DTD1: variants seen among roughly 807,000 people sequenced by gnomAD.
DTD1 encodes D-tyrosyl-tRNA deacylase 1 homolog.
Under a neutral mutation model 25.6 loss-of-function variants are expected in DTD1, and 13 were observed. The observed-to-expected ratio is 0.51, with a 90% CI of 0.33 to 0.81. The LOEUF (loss-of-function observed/expected upper bound fraction) is 0.81. DTD1 is among the 30% of genes least tolerant of loss of function. The probability of loss-of-function intolerance (pLI) is 0.02; values close to 1 mark genes in which losing one functional copy is unlikely to be tolerated. For synonymous variants in DTD1, 110 were observed against 103.6 expected, an observed-to-expected ratio of 1.06 and a Z score of -0.37; for missense variants, 193 against 266.4, an observed-to-expected ratio of 0.72 and a Z score of 1.92.
At chr20:18,659,561 C>A (rs2060901809) in intron 4 of DTD1, among the ~76,000 whole-genome samples, 1 of 152,068 alleles carries the variant, frequency 6.6e-6, no homozygotes, top group Admixed American at 6.5e-5. Context: ...TATGGTTAAT[C>A]AAAAAATATA....
chr20:18,591,861 A>C (rs1600302984), intron 1 of DTD1, among the ~76,000 whole-genome samples: 1 of 152,226 alleles, frequency 6.6e-6, no homozygotes, highest in East Asian at 1.9e-4. Context: ...AGGATAGATT[A>C]TTTCTATTTC....
At chr20:18,748,828 A>C (rs1344750505) in intron 5 of DTD1, among the ~76,000 whole-genome samples, 1 of 152,208 alleles carries the variant, frequency 6.6e-6, no homozygotes. Context: ...GTAGCATAGA[A>C]CTTGGGGTCA....
intron 4 of DTD1, among the ~76,000 whole-genome samples, chr20:18,721,327 A>G (rs1433985553): frequency 6.6e-6 from 1 of 152,066 alleles, no homozygotes; most frequent in Non-Finnish European, 1.5e-5. Flanking sequence ...ATGTGGCCAC[A>G]TGGTCCTCCT....
chr20:18,643,862 A>ATG lies in DTD1; in HGVS notation c.477+15643_477+15644dup, dbSNP rs372000389. Among the ~76,000 whole-genome samples, 20 of 151,146 alleles carry ATG rather than the reference A, an allele frequency of 1.3e-4. No homozygotes were observed. In the East Asian group the frequency reaches 2.3e-3, roughly 18 times the overall value. Reference sequence around the variant, plus strand: ...GATTAGATTCAGGGTGTATGTGTGTATGTGTGTGTGTGTGTACATGCACTT... The same window carrying ATG: ...GATTAGATTCAGGGTGTATGTGTGTATGTGTGTGTGTGTGTGTACATGCACTT... On this transcript the variant is annotated intron_variant, in intron 4 of 5. Transcript: ENST00000377452.
chr20:18,675,499 G>A (rs1333101552), intron 4 of DTD1: 2 of 151,868 alleles, frequency 1.3e-5, no homozygotes, highest in Non-Finnish European at 2.9e-5. Context: ...ATATTCTAGG[G>A]AGCTTTCAGA....
chr20:18,735,807 A>G (rs1413641239), intron 4 of DTD1, among the ~76,000 whole-genome samples: 1 of 152,150 alleles, frequency 6.6e-6, no homozygotes, highest in Non-Finnish European at 1.5e-5. Context: ...ATCATTCCCC[A>G]AAATCATGTT....
At chr20:18,678,001 G>A (rs994412548) in intron 4 of DTD1, among the ~76,000 whole-genome samples, 7 of 152,304 alleles carry the variant, frequency 4.6e-5, no homozygotes, top group Non-Finnish European at 4.4e-5. Context: ...GGTTTCTTGC[G>A]GGATAAATTA....
intron 4 of DTD1, among the ~76,000 whole-genome samples, chr20:18,717,267 A>G (rs991798123): frequency 4.6e-5 from 7 of 152,202 alleles, no homozygotes; most frequent in African/African-American, 1.7e-4. Context: ...CATAGTAGTA[A>G]CAGGAAGTGG....
At chr20:18,701,277 C>T (rs2061103433) in intron 4 of DTD1, among the ~76,000 whole-genome samples, 1 of 152,102 alleles carries the variant, frequency 6.6e-6, no homozygotes, top group South Asian at 2.1e-4. Flanking sequence ...AAACATGTTA[C>T]CTAACGGACT....
chr20:18,632,882 G>T (rs754832613), intron 4 of DTD1, among the ~76,000 whole-genome samples: 1 of 152,068 alleles, frequency 6.6e-6, no homozygotes, highest in Non-Finnish European at 1.5e-5. Context: ...GTGCATGTGG[G>T]TATGTGTGCA....
At chr20:18,625,084 G>A (rs7263884) in intron 3 of DTD1, among the ~76,000 whole-genome samples, 78,031 of 151,934 alleles carry the variant, frequency 0.51, 20,429 homozygotes, top group Middle Eastern at 0.58. Flanking sequence ...TGTAGACACC[G>A]CCCTCAGATG....
At chr20:18,615,427 G>A (rs1437676891) in intron 3 of DTD1, among the ~76,000 whole-genome samples, 2 of 152,204 alleles carry the variant, frequency 1.3e-5, no homozygotes, top group East Asian at 3.9e-4. Flanking sequence ...AGTAGGCACA[G>A]GAAACTGGGT....
At chr20:18,704,402 T>G (rs2061117793) in intron 4 of DTD1, among the ~76,000 whole-genome samples, 1 of 152,064 alleles carries the variant, frequency 6.6e-6, no homozygotes, top group Admixed American at 6.6e-5. Context: ...GGCAGAAACC[T>G]TAGAAAAATG....
At chr20:18,627,260 C>G (rs920212830) in intron 3 of DTD1, among the ~76,000 whole-genome samples, 7 of 152,124 alleles carry the variant, frequency 4.6e-5, no homozygotes, top group African/African-American at 1.7e-4. Context: ...AGGAAAGACT[C>G]AGAGAAGGAA....
chr20:18,588,739 A>G (rs2060576582), intron 1 of DTD1: 3 of 985,134 alleles, frequency 3.0e-6, no homozygotes, highest in Non-Finnish European at 2.4e-6. Flanking sequence ...GTCGGGATCT[A>G]AAGAATTCAA....
At chr20:18,695,180 C>T (rs1353794148) in intron 4 of DTD1, among the ~76,000 whole-genome samples, 1 of 151,982 alleles carries the variant, frequency 6.6e-6, no homozygotes, top group Non-Finnish European at 1.5e-5. Flanking sequence ...CAAGTGTCAG[C>T]AACGATTCAC....
At chr20:18,673,916 T>A (rs1396464295) in intron 4 of DTD1, among the ~76,000 whole-genome samples, 1 of 152,168 alleles carries the variant, frequency 6.6e-6, no homozygotes, top group Non-Finnish European at 1.5e-5. Flanking sequence ...GTTTTTTTTT[T>A]TTATTTAGAA....
intron 4 of DTD1, chr20:18,632,463 C>G: frequency 1.0e-6 from 1 of 985,474 alleles, no homozygotes; most frequent in Non-Finnish European, 1.2e-6. Context: ...CTCTCTCTGC[C>G]TTTTCTTCTG....
intron 5 of DTD1, among the ~76,000 whole-genome samples, chr20:18,762,415 G>C (rs2061366618): frequency 6.6e-6 from 1 of 152,176 alleles, no homozygotes; most frequent in African/African-American, 2.4e-5. Context: ...AGGAAACCCT[G>C]AGACACTTGG....
Sources: allele counts gnomAD v4.1 joint callset (sites outside exome capture counted in the v4.1 genomes callset), GRCh38; gene constraint gnomAD v4.1.1; transcripts MANE v1.5; gene names NCBI Gene and HGNC (gene_info 2026-07-23, HGNC 2026-07-21).